CLHC1: variants seen among roughly 807,000 people sequenced by gnomAD.
CLHC1 encodes the protein clathrin heavy chain linker domain containing 1, also known as clathrin heavy chain linker domain-containing protein 1.
In CLHC1, 72 loss-of-function variants were observed where a neutral mutation model predicts 69.5. The ratio of observed to expected loss-of-function variants is 1.04; its 90% CI spans 0.86 to 1.26. CLHC1 has a LOEUF of 1.26. CLHC1 is among the 50% of genes most tolerant of loss of function. CLHC1 has a pLI of 0.00. For missense variants in CLHC1, 790 were observed against 679.3 expected, an observed-to-expected ratio of 1.16 and a Z score of -1.81; for synonymous variants, 223 against 224.3, an observed-to-expected ratio of 0.99 and a Z score of 0.05.
chr2:55,215,201 T>C (rs1479668487), intron 4 of CLHC1: 1 of 152,218 alleles, frequency 6.6e-6, no homozygotes, highest in East Asian at 1.9e-4. Flanking sequence ...ACCTTCCTAC[T>C]GAAGAAAAGT....
intron 2 of CLHC1, among the ~76,000 whole-genome samples, chr2:55,226,123 C>T (rs1181281525): frequency 2.0e-5 from 3 of 149,552 alleles, no homozygotes; most frequent in African/African-American, 5.0e-5. Flanking sequence ...ACCCGGGAGG[C>T]GGAGGTTGCA....
At chr2:55,187,474 G>T (rs142324548) in intron 9 of CLHC1, among the ~76,000 whole-genome samples, 9,390 of 151,924 alleles carry the variant, frequency 0.062, 409 homozygotes, top group Admixed American at 0.13. Context: ...TTAACTGGGT[G>T]TGGTGGTGCA....
intron 10 of CLHC1, 124 bp from the exon 11 acceptor site, chr2:55,180,836 C>T: frequency 4.5e-6 from 3 of 665,414 alleles, no homozygotes; most frequent in South Asian, 1.9e-5. Flanking sequence ...TTCCAAGTTA[C>T]AATTTAATAG....
intron 7 of CLHC1, 68 bp downstream of exon 7, chr2:55,209,336 A>G (rs1672755654): frequency 2.1e-6 from 2 of 949,420 alleles, no homozygotes; most frequent in African/African-American, 1.7e-5. Context: ...AGAAAACCCC[A>G]TTCTAACTAG....
intron 3 of CLHC1, among the ~76,000 whole-genome samples, chr2:55,221,622 T>C (rs1674124467): frequency 6.6e-6 from 1 of 152,162 alleles, no homozygotes; most frequent in Non-Finnish European, 1.5e-5. Context: ...AGATGATACT[T>C]TTAGATGAAA....
At position 55,175,885 on chromosome 2, in the gene CLHC1, T is replaced by G. The variant is rs917714920; in HGVS notation, c.1666A>C (p.Asn556His). 6.2e-7 allele frequency: 1 copy of G among 1,613,914 alleles called. No individual in the cohort carries two copies. Among genetic ancestry groups the G allele is most frequent in the African/African-American group, 1.3e-5 (1 of 74,934 alleles). ...GATCGAAGAATAGACGTGATGTCATTAGATAATTTGTCAAAGCCATTCTGT... is the reference window on the plus strand; with the variant it reads ...GATCGAAGAATAGACGTGATGTCATGAGATAATTTGTCAAAGCCATTCTGT... ...CSQNGFDKLS[N>H]DITSILRSQA... is the part of the protein sequence containing the mutation. The change falls in exon 13 of 13, where the codon AAT (asparagine) becomes CAT (histidine). Residue 556 changes from asparagine (N) to histidine (H), a missense_variant. Coordinates refer to ENST00000401408, the MANE Select transcript of CLHC1 (RefSeq NM_152385.4).
intron 9 of CLHC1, 108 bp downstream of exon 9, chr2:55,206,162 G>C (rs1672420181): frequency 3.1e-6 from 2 of 648,222 alleles, no homozygotes; most frequent in Non-Finnish European, 5.4e-6. Context: ...GGTAGAGATA[G>C]GGCTGGGGCC....
intron 9 of CLHC1, chr2:55,205,750 A>G (rs1672378903): frequency 6.6e-6 from 1 of 152,182 alleles, no homozygotes; most frequent in African/African-American, 2.4e-5. Flanking sequence ...AAAAATTTAG[A>G]TGGGTGTGGT....
Position 55,175,758 on chromosome 2 carries a change from T to A in CLHC1, c.*32A>T. The stretch of plus-strand genomic sequence containing the variant: ...CCCAACCAGCATACATAAGGTGTTG[T>A]ACAAGCTCCCTCAGCTGGTTAAGAT... On this transcript the variant is annotated 3_prime_UTR_variant, in exon 13 of 13. Coordinates refer to ENST00000401408, the MANE Select transcript of CLHC1 (RefSeq NM_152385.4). 1 of 1,550,086 alleles carries A rather than the reference T, an allele frequency of 6.5e-7. No homozygotes were observed. Among genetic ancestry groups the A allele is most frequent in the Non-Finnish European group, 8.9e-7 (1 of 1,125,392 alleles).
At chr2:55,225,107 T>G (rs1285805793) in intron 2 of CLHC1, 1 of 153,882 alleles carries the variant, frequency 6.5e-6, no homozygotes, top group Admixed American at 6.5e-5. Flanking sequence ...CGCATGACCC[T>G]CGGGGCCGAG....
chr2:55,191,649 G>C (rs973386474), intron 9 of CLHC1, among the ~76,000 whole-genome samples: 3 of 152,010 alleles, frequency 2.0e-5, no homozygotes, highest in Non-Finnish European at 4.4e-5. Flanking sequence ...TATCACTTGA[G>C]AATAGAATGG....
At chr2:55,209,596 C>T in intron 6 of CLHC1, 34 bp downstream of exon 6, 1 of 1,601,842 alleles carries the variant, frequency 6.2e-7, no homozygotes, top group Non-Finnish European at 8.5e-7. Context: ...AAATAAAACT[C>T]CAAACTTTAA....
chr2:55,206,724 T>C, intron 8 of CLHC1: 1 of 223,536 alleles, frequency 4.5e-6, no homozygotes, highest in Non-Finnish European at 8.7e-6. Flanking sequence ...CTGCATATCA[T>C]CTCCACATGA....
At position 55,180,686 on chromosome 2, in the gene CLHC1, TC is replaced by T; in HGVS notation, c.1207del (p.Asp403MetfsTer2). 4 of 1,613,870 alleles carry T rather than the reference TC, an allele frequency of 2.5e-6. No homozygotes were observed. Among genetic ancestry groups the T allele is most frequent in the South Asian group, 1.1e-5 (1 of 91,076 alleles). ...CTGCTCCCCATAATCACAAATCACA[TC>T]CCCAGCCTCCTCAGAAAATGTCAGT... ...ERLTFSEEAG[D>X]VICDYGEQDT... On this transcript the variant is annotated frameshift_variant, in exon 11 of 13. Coordinates refer to ENST00000401408, the MANE Select transcript of CLHC1 (RefSeq NM_152385.4). LOFTEE classifies it high-confidence loss of function.
intron 9 of CLHC1, among the ~76,000 whole-genome samples, chr2:55,186,423 AG>A (rs1253199587): frequency 3.3e-5 from 5 of 152,220 alleles, no homozygotes; most frequent in Non-Finnish European, 7.3e-5. Flanking sequence ...TATATACTTC[AG>A]AACTACAAAC....
chr2:55,178,366 C>T (rs1464839320), intron 11 of CLHC1, among the ~76,000 whole-genome samples: 1 of 152,160 alleles, frequency 6.6e-6, no homozygotes, highest in East Asian at 1.9e-4. Flanking sequence ...GAGGTGGAAC[C>T]ATATGAAGTT....
At chr2:55,224,363 G>C (rs1674485826) in intron 2 of CLHC1, 4 of 448,374 alleles carry the variant, frequency 8.9e-6, no homozygotes, top group African/African-American at 2.0e-5. Context: ...TGCTACTTGG[G>C]GCAGAAGCTC....
chr2:55,214,584 T>C (rs1229743417), intron 4 of CLHC1: 1 of 152,230 alleles, frequency 6.6e-6, no homozygotes, highest in Non-Finnish European at 1.5e-5. Context: ...TATATAGTGC[T>C]CTTGGTAACT....
At chr2:55,203,100 C>T (rs750085068) in intron 9 of CLHC1, among the ~76,000 whole-genome samples, 1 of 151,968 alleles carries the variant, frequency 6.6e-6, no homozygotes, top group Non-Finnish European at 1.5e-5. Flanking sequence ...TAGAATTAAC[C>T]AAAGCACTGA....
Sources: gnomAD v4.1 joint callset for allele counts (sites outside exome capture counted in the v4.1 genomes callset) on GRCh38, gnomAD v4.1.1 for gene constraint, MANE v1.5 for transcripts, NCBI Gene and HGNC (gene_info 2026-07-23, HGNC 2026-07-21) for gene names.